The following DDX25 variants were observed in gnomAD, a reference collection of about 807,000 sequenced individuals.
DDX25 encodes ATP-dependent RNA helicase DDX25.
In DDX25, 70 loss-of-function variants were observed where a neutral mutation model predicts 64.6. The observed-to-expected ratio is 1.08, with a 90% confidence interval of 0.89 to 1.32. The LOEUF is 1.32. Ranked by LOEUF, DDX25 falls within the 40% of genes most tolerant of loss-of-function variation. The pLI is 0.00. For missense variants in DDX25, 587 were observed against 604.4 expected (o/e 0.97, Z 0.30); for synonymous variants, 211 against 213.3 (o/e 0.99, Z 0.09).
In DDX25 at chr11:125,911,530, A is replaced by AGAT. The variant is rs1292924042; in HGVS notation, c.800+44_800+46dup. The AGAT allele has an allele frequency of 1.9e-6, 3 of 1,576,588 alleles. No individual in the cohort carries two copies. The South Asian group carries it at 3.5e-5, about 19-fold the overall frequency. ...TCCTCTCTTCCTCAGCCTTCTGTCC[A>AGAT]GATGGGGAATTTCATTTGTTTACTC... On this transcript the variant is annotated intron_variant, in intron 8 of 11. Transcript: ENST00000263576.
intron 2 of DDX25, 88 bp downstream of exon 2, chr11:125,905,366 G>A (rs1944868935): frequency 2.1e-6 from 3 of 1,451,470 alleles, no homozygotes; most frequent in Non-Finnish European, 2.8e-6. Context: ...GTGAAACACC[G>A]CGGATTCATT....
At chr11:125,907,480 C>T (rs375182758) in intron 4 of DDX25, among the ~76,000 whole-genome samples, 128 of 151,972 alleles carry the variant, frequency 8.4e-4, no homozygotes, top group East Asian at 1.9e-3. Context: ...TGGTGGCGGG[C>T]GCCTGTAGTC....
rs1417552743 is a variant in DDX25 at position 125,925,911 on chromosome 11, G to T, written c.*3030G>T. On this transcript the variant is annotated 3_prime_UTR_variant, in exon 12 of 12. Transcript: ENST00000263576. ...GTGTTGATCCTCCTCAGCAAAGCTC[G>T]GTCACCATGAAAGCTGCTGGCAGTC... 6.3e-6 allele frequency: 1 copy of T among 159,892 alleles called. No homozygotes were observed. Among genetic ancestry groups the T allele is most frequent in the African/African-American group, 2.4e-5 (1 of 41,710 alleles). 9.9% of individuals were successfully genotyped at this position (159,892 alleles called of 1,614,324 possible). A position where few individuals can be genotyped will look rare whatever the true frequency, so the allele number is the denominator to read the frequency against.
chr11:125,927,600 C>G lies in DDX25; in HGVS notation c.*4719C>G, dbSNP rs1016715346. 3 of 152,108 alleles carry G rather than the reference C, an allele frequency of 2.0e-5. No individual in the cohort carries two copies. The highest frequency in any genetic ancestry group is 7.2e-5 in the African/African-American group (3 of 41,428). The allele number at this position is 152,108 out of a possible 1,614,324, so 9.4% of individuals were successfully genotyped here. ...CTCCTATTTTGAGCTTAACATTTTT[C>G]TATTGCTAGAAAGAATGGTACTGCC... On this transcript the variant is annotated 3_prime_UTR_variant, in exon 12 of 12. Coordinates refer to ENST00000263576, the MANE Select transcript of DDX25 (RefSeq NM_013264.5).
At chr11:125,922,798 C>CTG (rs1168403129) in intron 11 of DDX25, 22 bp from the exon 12 acceptor site, 1 of 1,595,310 alleles carries the variant, frequency 6.3e-7, no homozygotes, top group East Asian at 2.2e-5. Flanking sequence ...GAGACTAGTT[C>CTG]TGTTCTCTTT....
chr11:125,921,429 AGT>A lies in DDX25; in HGVS notation c.1390+52_1390+53del, dbSNP rs771001805. ...TGAACTACAGACCTGCCGGTCTGACAGTGATGATGTGTGCTGGAGAGCTGGAG... is the reference window on the plus strand; with the variant it reads ...TGAACTACAGACCTGCCGGTCTGACAGATGATGTGTGCTGGAGAGCTGGAG... On this transcript the variant is annotated intron_variant, in intron 11 of 11. Coordinates refer to ENST00000263576, the MANE Select transcript of DDX25 (RefSeq NM_013264.5). This position sits in a 1 kb window ranked among gnomAD's most constrained non-coding sequence, Gnocchi z 4.1. 6.3e-7 allele frequency: 1 copy of A among 1,581,416 alleles called. No individual in the cohort carries two copies. Among genetic ancestry groups the A allele is most frequent in the Non-Finnish European group, 8.6e-7 (1 of 1,160,872 alleles).
chr11:125,904,680 A>T, intron 1 of DDX25, 100 bp downstream of exon 1: 6 of 1,310,920 alleles, frequency 4.6e-6, no homozygotes, highest in Non-Finnish European at 6.2e-6. Context: ...CGAGCGTTCG[A>T]AGTGGGGCGT....
At position 125,911,316 on chromosome 11, in the gene DDX25, A is replaced by G; in HGVS notation, c.628A>G (p.Arg210Gly). 3.7e-6 allele frequency: 6 copies of G among 1,610,672 alleles called. No homozygotes were observed. The highest frequency in any genetic ancestry group is 5.1e-6 in the Non-Finnish European group (6 of 1,178,452). ...MYAIRGNRIP[R>G]GTDITKQIII... is the part of the protein sequence containing the mutation. ...TAAAACCCTTTTCTCCCCAGTTCCC[A>G]GAGGCACCGACATCACTAAACAGAT... Residue 210 changes from arginine to glycine, a missense_variant, in exon 8 of 12, where the codon AGA (arginine) becomes GGA (glycine). By Grantham distance (125) the Arg-to-Gly change is moderately radical. Coordinates refer to ENST00000263576, the MANE Select transcript of DDX25 (RefSeq NM_013264.5).
Position 125,922,957 on chromosome 11 carries a change from T to C in DDX25, c.*76T>C. The C allele has an allele frequency of 7.3e-7, 1 of 1,362,922 alleles. No individual in the cohort carries two copies. Among genetic ancestry groups the C allele is most frequent in the South Asian group, 1.4e-5 (1 of 71,772 alleles). The allele number at this position is 1,362,922 out of a possible 1,614,324, so 84.4% of individuals were successfully genotyped here. A position where few individuals can be genotyped will look rare whatever the true frequency, so the allele number is the denominator to read the frequency against. On this transcript the variant is annotated 3_prime_UTR_variant, in exon 12 of 12. Coordinates refer to ENST00000263576, the MANE Select transcript of DDX25 (RefSeq NM_013264.5). ...CAGTGGGTTTTGAAGGTAATTTTTT[T>C]ATGTTGAGGCTTTTTCGACGTGAAA...
In DDX25 at chr11:125,905,389, A is replaced by G. The variant is rs372115282; in HGVS notation, c.130+111A>G. 5.2e-5 allele frequency: 71 copies of G among 1,356,562 alleles called. 1 individual carries two copies. In the East Asian group the frequency reaches 7.8e-4, roughly 15 times the overall value. 84.0% of individuals were successfully genotyped at this position (1,356,562 alleles called of 1,614,324 possible). ...CCGCGGATTCATTAGTGTGACATTC[A>G]GCACTCTCCATTACCTTCCCAATCG... On this transcript the variant is annotated intron_variant, in intron 2 of 11. Transcript: ENST00000263576.
In DDX25 at chr11:125,923,543, C is replaced by T. The variant is rs749316447; in HGVS notation, c.*662C>T. ...TATTTCATAGTCTCTAAAAGTGTGG[C>T]TGTATTATGGGCATTTCTTAAAAGC... On this transcript the variant is annotated 3_prime_UTR_variant, in exon 12 of 12. Transcript: ENST00000263576. 6.6e-6 allele frequency: 1 copy of T among 151,258 alleles called. No individual in the cohort carries two copies. The highest frequency in any genetic ancestry group is 2.4e-5 in the African/African-American group (1 of 41,054). The allele number at this position is 151,258 out of a possible 1,614,324, so 9.4% of individuals were successfully genotyped here.
chr11:125,911,222 C>T (rs1944963204), intron 7 of DDX25, 89 bp from the exon 8 acceptor site: 7 of 1,182,466 alleles, frequency 5.9e-6, no homozygotes, highest in Middle Eastern at 2.1e-4. Flanking sequence ...TGTATTTTTG[C>T]TTATGAGCTT....
At chr11:125,916,914 G>C in intron 8 of DDX25, 100 bp from the exon 9 acceptor site, 1 of 1,172,798 alleles carries the variant, frequency 8.5e-7, no homozygotes, top group Non-Finnish European at 1.2e-6. Flanking sequence ...ACCTCACGTG[G>C]AACAGGGGTG....
At chr11:125,911,533 T>G in intron 8 of DDX25, 45 bp downstream of exon 8, 1 of 1,572,764 alleles carries the variant, frequency 6.4e-7, no homozygotes, top group South Asian at 1.2e-5. Context: ...TCTGTCCAGA[T>G]GGGGAATTTC....
At chr11:125,908,689 G>C (rs1944927937) in intron 6 of DDX25, among the ~76,000 whole-genome samples, 186 bp downstream of exon 6, 4 of 152,182 alleles carry the variant, frequency 2.6e-5, no homozygotes, top group Admixed American at 2.6e-4. Flanking sequence ...AGGCTTTATA[G>C]TCTTGAGTGG....
chr11:125,906,795 G>A (rs1217882549), intron 4 of DDX25, among the ~76,000 whole-genome samples: 1 of 138,218 alleles, frequency 7.2e-6, no homozygotes, highest in Admixed American at 8.1e-5. Flanking sequence ...TGCACTCCAA[G>A]CCTGGGTGAC....
At chr11:125,904,476 T>G (rs974421155), upstream of DDX25, 1 of 1,450,834 alleles carries the variant, frequency 6.9e-7, no homozygotes, top group Non-Finnish European at 9.1e-7. Context: ...CTCGCGCCGG[T>G]GGTGGAAGCA....
intron 3 of DDX25, 48 bp downstream of exon 3, chr11:125,905,645 T>C (rs1944873265): frequency 6.6e-7 from 1 of 1,512,376 alleles, no homozygotes; most frequent in Non-Finnish European, 9.0e-7. Context: ...TCTGTTTCCG[T>C]TTATAACTTT....
rs1256341250 is a variant in DDX25 at position 125,921,655 on chromosome 11, C to T, written c.1390+276C>T. On this transcript the variant is annotated intron_variant, in intron 11 of 11. Coordinates refer to ENST00000263576, the MANE Select transcript of DDX25 (RefSeq NM_013264.5). The surrounding 1 kb of genome is among the most constrained non-coding windows in gnomAD (Gnocchi z 4.1). ...CCTGTAATCCCAGCACTTTGGGAGG[C>T]CGAGGTGGTCAGATCATGAGGTCAG... is the stretch of plus-strand genomic sequence containing the variant. The T allele has an allele frequency of 3.2e-6, 1 of 309,144 alleles. No homozygotes were observed. Among genetic ancestry groups the T allele is most frequent in the Non-Finnish European group, 6.1e-6 (1 of 164,908 alleles). 19.2% of individuals were successfully genotyped at this position (309,144 alleles called of 1,614,324 possible). A position where few individuals can be genotyped will look rare whatever the true frequency, so the allele number is the denominator to read the frequency against.
Sources: gnomAD v4.1 joint callset for allele counts (sites outside exome capture counted in the v4.1 genomes callset) on GRCh38, gnomAD v4.1.1 for gene constraint, Gnocchi (gnomAD v3.1) non-coding constraint, MANE v1.5 for transcripts, NCBI Gene and HGNC (gene_info 2026-07-23, HGNC 2026-07-21) for gene names.